The following CTNNA1 variants were observed in gnomAD, a reference collection of about 807,000 sequenced individuals.
CTNNA1 encodes the protein catenin alpha-1.
Under a neutral mutation model 98.4 loss-of-function variants are expected in CTNNA1, and 37 were observed. That is an observed-to-expected ratio of 0.38 (90% CI 0.29 to 0.49). The LOEUF is 0.49. CTNNA1 is among the 20% of genes least tolerant of loss of function. The pLI is 0.95. For missense variants in CTNNA1, 761 were observed against 1,147.2 expected (o/e 0.66, Z 4.86); for synonymous variants, 404 against 413.2 (o/e 0.98, Z 0.27).
chr5:138,766,926 G>C (rs941793426), intron 1 of CTNNA1, among the ~76,000 whole-genome samples: 1 of 152,142 alleles, frequency 6.6e-6, no homozygotes, highest in African/African-American at 2.4e-5. Context: ...GGTTGTTTCA[G>C]TGTTGCTCAA....
intron 10 of CTNNA1, among the ~76,000 whole-genome samples, chr5:138,909,245 T>G (rs1760004614): frequency 6.6e-6 from 1 of 152,172 alleles, no homozygotes; most frequent in Admixed American, 6.5e-5. Context: ...ATCTGGCACT[T>G]AAATAATTTA....
At chr5:138,899,662 C>T (rs1165695624) in intron 9 of CTNNA1, among the ~76,000 whole-genome samples, 1 of 152,184 alleles carries the variant, frequency 6.6e-6, no homozygotes, top group Non-Finnish European at 1.5e-5. Flanking sequence ...AAGTTCTCAT[C>T]ATGAAATGGT....
chr5:138,868,497 T>C (rs1209425786), intron 7 of CTNNA1, among the ~76,000 whole-genome samples: 1 of 152,056 alleles, frequency 6.6e-6, no homozygotes, highest in Non-Finnish European at 1.5e-5. Flanking sequence ...ACCCCCAAGG[T>C]AGAGGCCAAG....
intron 3 of CTNNA1, among the ~76,000 whole-genome samples, chr5:138,802,341 A>ATT (rs1187008479): frequency 1.3e-5 from 2 of 152,072 alleles, no homozygotes; most frequent in East Asian, 3.9e-4. Flanking sequence ...TTTATTTTTA[A>ATT]TTTTTATTTT....
At chr5:138,909,359 CA>C (rs1760040550) in intron 10 of CTNNA1, among the ~76,000 whole-genome samples, 2 of 151,088 alleles carry the variant, frequency 1.3e-5, no homozygotes, top group Non-Finnish European at 1.5e-5. Flanking sequence ...CCTCCCCCCC[CA>C]CCCTTTTTTT....
chr5:138,932,257 GT>G (rs1218314312), intron 16 of CTNNA1: 1 of 1,134,984 alleles, frequency 8.8e-7, no homozygotes, highest in Non-Finnish European at 1.1e-6. Flanking sequence ...GCCGTTTGGG[GT>G]GAGGGGATCC....
chr5:138,767,785 C>A (rs1753100157), intron 1 of CTNNA1, among the ~76,000 whole-genome samples: 1 of 152,132 alleles, frequency 6.6e-6, no homozygotes, highest in Non-Finnish European at 1.5e-5. Context: ...GGACTTCACT[C>A]TTTAGCATGT....
At chr5:138,907,342 A>G (rs528008068) in intron 10 of CTNNA1, among the ~76,000 whole-genome samples, 40 of 152,304 alleles carry the variant, frequency 2.6e-4, no homozygotes, top group African/African-American at 9.4e-4. Context: ...TTAAACAAAA[A>G]TTCTGCAATT....
At chr5:138,782,363 T>G (rs984096172) in intron 2 of CTNNA1, 56 of 468,654 alleles carry the variant, frequency 1.2e-4, no homozygotes, top group African/African-American at 9.7e-4. Context: ...GGTCTCTCAC[T>G]CTGCTTAACA....
intron 7 of CTNNA1, among the ~76,000 whole-genome samples, chr5:138,842,583 C>T (rs1310681154): frequency 6.6e-6 from 1 of 152,138 alleles, no homozygotes; most frequent in Non-Finnish European, 1.5e-5. Context: ...GTTAAGGAAA[C>T]AGACTCAAGG....
chr5:138,761,429 G>T (rs1752356517), intron 1 of CTNNA1, among the ~76,000 whole-genome samples: 1 of 152,084 alleles, frequency 6.6e-6, no homozygotes, highest in African/African-American at 2.4e-5. Context: ...TAGAGACGGG[G>T]TTTCACCATT....
chr5:138,873,539 C>T lies in CTNNA1; in HGVS notation c.1063-12673C>T, dbSNP rs537690931. 5.0e-6 allele frequency: 8 copies of T among 1,613,984 alleles called. No homozygotes were observed. The East Asian group carries it at 1.8e-4, about 36-fold the overall frequency. On this transcript the variant is annotated intron_variant, in intron 7 of 17. Coordinates refer to ENST00000302763, the MANE Select transcript of CTNNA1 (RefSeq NM_001903.5). This position sits in a 1 kb window ranked among gnomAD's most constrained non-coding sequence, Gnocchi z 6.1. ...ATCCTCTCCTTGGGTGTGGTCAGGACTGTGGCATAGGATGGAGTGTTCCCA... is the reference window on the plus strand; with the variant it reads ...ATCCTCTCCTTGGGTGTGGTCAGGATTGTGGCATAGGATGGAGTGTTCCCA...
intron 7 of CTNNA1, among the ~76,000 whole-genome samples, chr5:138,845,958 G>A (rs547820393): frequency 5.9e-5 from 9 of 151,808 alleles, no homozygotes; most frequent in South Asian, 2.1e-4. Context: ...ACAGATTCTC[G>A]CTGTCTGGCC....
At chr5:138,857,319 G>C (rs1257040605) in intron 7 of CTNNA1, among the ~76,000 whole-genome samples, 3 of 152,080 alleles carry the variant, frequency 2.0e-5, no homozygotes, top group Admixed American at 2.0e-4. Context: ...GAGGCTTCTT[G>C]TTATTTGGTC....
At chr5:138,875,606 G>C (rs1204528267) in intron 7 of CTNNA1, 1 of 985,342 alleles carries the variant, frequency 1.0e-6, no homozygotes, top group Non-Finnish European at 1.2e-6. Context: ...CAGTGAGTTG[G>C]GTTAGCAGAG....
intron 9 of CTNNA1, among the ~76,000 whole-genome samples, chr5:138,902,196 T>A (rs1758184501): frequency 6.6e-6 from 1 of 152,216 alleles, no homozygotes; most frequent in Non-Finnish European, 1.5e-5. Context: ...CACACTACCC[T>A]CATGTGTCTG....
chr5:138,756,084 G>A (rs1751615185), intron 1 of CTNNA1, among the ~76,000 whole-genome samples: 2 of 151,682 alleles, frequency 1.3e-5, no homozygotes, highest in Admixed American at 6.6e-5. Flanking sequence ...TGTCTCCCAG[G>A]CTGGAGTGCA....
At chr5:138,900,927 T>C (rs1428637277) in intron 9 of CTNNA1, among the ~76,000 whole-genome samples, 3 of 152,200 alleles carry the variant, frequency 2.0e-5, no homozygotes, top group Non-Finnish European at 4.4e-5. Context: ...AAACTAGTGG[T>C]TGTGGTGTCA....
At chr5:138,833,552 C>T (rs1453755152) in intron 7 of CTNNA1, among the ~76,000 whole-genome samples, 1 of 152,116 alleles carries the variant, frequency 6.6e-6, no homozygotes, top group African/African-American at 2.4e-5. Flanking sequence ...ATCATATTTA[C>T]ATTGGTTATA....
Sources: gnomAD v4.1 joint callset for allele counts (sites outside exome capture counted in the v4.1 genomes callset) on GRCh38, gnomAD v4.1.1 for gene constraint, Gnocchi (gnomAD v3.1) non-coding constraint, MANE v1.5 for transcripts, NCBI Gene and HGNC (gene_info 2026-07-23, HGNC 2026-07-21) for gene names.